The following RBFOX3 variants were observed in gnomAD, a reference collection of about 807,000 sequenced individuals.
RBFOX3 encodes RNA binding protein fox-1 homolog 3.
A neutral mutation model predicts 48.7 loss-of-function variants in RBFOX3; 17 were observed. The observed-to-expected ratio is 0.35, with a 90% CI of 0.24 to 0.52. The LOEUF is 0.52. Among genes scored for constraint, RBFOX3 ranks in the 20% least tolerant of loss-of-function variants. The pLI is 0.94. For missense variants in RBFOX3, 382 were observed against 497.5 expected (o/e 0.77, Z 2.21); for synonymous variants, 212 against 209.5 (o/e 1.01, Z -0.10).
chr17:79,230,466 G>A (rs2085352), intron 4 of RBFOX3, among the ~76,000 whole-genome samples: 37,392 of 150,544 alleles, frequency 0.25, 5,141 homozygotes, highest in Middle Eastern at 0.34. Flanking sequence ...TCACCATGTT[G>A]GCCAGGCTGG....
At position 79,214,327 on chromosome 17, in the gene RBFOX3, T is replaced by A. The variant is rs977961368; in HGVS notation, c.-34+21439A>T. 2.6e-5 allele frequency among the ~76,000 whole-genome samples: 4 copies of A among 152,218 alleles called. No homozygotes were observed. Among genetic ancestry groups the A allele is most frequent in the Admixed American group, 1.3e-4 (2 of 15,282 alleles). ...GATTTTTAATAAAAATCAGACATGG[T>A]CATGGAGGTGCCTCATGGAGGAAAG... is the stretch of plus-strand genomic sequence containing the variant. On this transcript the variant is annotated intron_variant, in intron 4 of 14. Coordinates refer to ENST00000693108, the MANE Select transcript of RBFOX3 (RefSeq NM_001350451.2). This position sits in a 1 kb window ranked among gnomAD's most constrained non-coding sequence, Gnocchi z 4.7.
chr17:79,401,635 T>C (rs911672234), intron 2 of RBFOX3, among the ~76,000 whole-genome samples: 5 of 152,188 alleles, frequency 3.3e-5, no homozygotes, highest in Non-Finnish European at 7.3e-5. Flanking sequence ...CGCAGCTCAT[T>C]TCTCCCTTCA....
intron 1 of RBFOX3, among the ~76,000 whole-genome samples, chr17:79,590,822 A>G (rs1402283124): frequency 1.3e-5 from 2 of 152,204 alleles, no homozygotes; most frequent in Non-Finnish European, 2.9e-5. Flanking sequence ...GCCCTGGGGT[A>G]AGAGTTCTCA....
chr17:79,397,019 T>C (rs2062073459), intron 2 of RBFOX3, among the ~76,000 whole-genome samples: 1 of 152,258 alleles, frequency 6.6e-6, no homozygotes, highest in South Asian at 2.1e-4. Context: ...AAATGCTTCC[T>C]GGCTGCAAGG....
chr17:79,207,813 C>T (rs1460051225), intron 4 of RBFOX3, among the ~76,000 whole-genome samples: 1 of 152,232 alleles, frequency 6.6e-6, no homozygotes, highest in African/African-American at 2.4e-5. Flanking sequence ...CACGCTCACA[C>T]CTCCTTTCCC....
intron 5 of RBFOX3, among the ~76,000 whole-genome samples, chr17:79,109,861 G>T (rs1174541865): frequency 6.6e-6 from 1 of 152,220 alleles, no homozygotes; most frequent in Non-Finnish European, 1.5e-5. Flanking sequence ...GATGAGGCGG[G>T]AGGAAGGGGG....
chr17:79,497,516 G>A (rs1040730377), intron 1 of RBFOX3, among the ~76,000 whole-genome samples: 38 of 152,172 alleles, frequency 2.5e-4, no homozygotes, highest in African/African-American at 5.3e-4. Context: ...GACCTGCCTC[G>A]GTGAGTTTCT....
chr17:79,309,306 T>C (rs1468895639), intron 2 of RBFOX3, among the ~76,000 whole-genome samples: 1 of 152,036 alleles, frequency 6.6e-6, no homozygotes, highest in East Asian at 1.9e-4. Context: ...GCTGAAACTT[T>C]GGACTCTTCC....
At chr17:79,344,395 C>T (rs939979093) in intron 2 of RBFOX3, among the ~76,000 whole-genome samples, 3 of 152,072 alleles carry the variant, frequency 2.0e-5, no homozygotes, top group African/African-American at 7.2e-5. Flanking sequence ...GGCGATTCTA[C>T]AAGCACCAAT....
At chr17:79,174,902 C>G (rs2050203273) in intron 4 of RBFOX3, among the ~76,000 whole-genome samples, 1 of 152,222 alleles carries the variant, frequency 6.6e-6, no homozygotes, top group African/African-American at 2.4e-5. Flanking sequence ...CGAATCCCAG[C>G]AAAATGCACC....
intron 2 of RBFOX3, among the ~76,000 whole-genome samples, chr17:79,370,669 C>T (rs1388824191): frequency 6.6e-6 from 1 of 152,196 alleles, no homozygotes; most frequent in African/African-American, 2.4e-5. Context: ...CACACAGGCA[C>T]ACACATGTAC....
chr17:79,505,800 A>G (rs910605641), intron 1 of RBFOX3, among the ~76,000 whole-genome samples: 5 of 152,340 alleles, frequency 3.3e-5, no homozygotes, highest in Admixed American at 3.3e-4. Context: ...ATTGATCTCT[A>G]TCGCTGCTAT....
intron 4 of RBFOX3, chr17:79,233,544 A>G (rs1410263374): frequency 1.3e-5 from 2 of 152,164 alleles, no homozygotes; most frequent in Non-Finnish European, 2.9e-5. Context: ...TAAAAAACCA[A>G]CGTGCAAAAA....
chr17:79,352,167 T>C (rs117251889), intron 2 of RBFOX3, among the ~76,000 whole-genome samples: 51 of 152,270 alleles, frequency 3.3e-4, no homozygotes, highest in Non-Finnish European at 6.3e-4. Context: ...TCATGTTGAA[T>C]TGTGATCCCA....
intron 2 of RBFOX3, among the ~76,000 whole-genome samples, chr17:79,330,111 G>A (rs1322223325): frequency 6.6e-6 from 1 of 152,226 alleles, no homozygotes; most frequent in Non-Finnish European, 1.5e-5. Flanking sequence ...GTGTGAGCAT[G>A]TGTGTGTGCA....
chr17:79,106,563 G>A (rs920163445), intron 6 of RBFOX3, 88 bp downstream of exon 6: 1 of 1,372,220 alleles, frequency 7.3e-7, no homozygotes, highest in African/African-American at 1.5e-5. Flanking sequence ...GGGGGAACAG[G>A]TGTCGGCAGG....
chr17:79,502,995 G>C (rs2082583197), intron 1 of RBFOX3, among the ~76,000 whole-genome samples: 1 of 152,234 alleles, frequency 6.6e-6, no homozygotes, highest in Non-Finnish European at 1.5e-5. Context: ...ATTTCCCACA[G>C]TTCTGCAGGC....
At chr17:79,397,094 A>T (rs1458909443) in intron 2 of RBFOX3, among the ~76,000 whole-genome samples, 1 of 152,222 alleles carries the variant, frequency 6.6e-6, no homozygotes, top group Non-Finnish European at 1.5e-5. Flanking sequence ...TCACAGCATC[A>T]GTGTTTCCAG....
At chr17:79,474,290 C>A (rs2077415770) in intron 2 of RBFOX3, among the ~76,000 whole-genome samples, 1 of 152,198 alleles carries the variant, frequency 6.6e-6, no homozygotes, top group African/African-American at 2.4e-5. Context: ...TATACAGATT[C>A]ATGTGGAACC....
Sources: allele counts gnomAD v4.1 joint callset (sites outside exome capture counted in the v4.1 genomes callset), GRCh38; gene constraint gnomAD v4.1.1; non-coding constraint Gnocchi (gnomAD v3.1); transcripts MANE v1.5; gene names NCBI Gene and HGNC (gene_info 2026-07-23, HGNC 2026-07-21).